MUC15: variants seen among roughly 807,000 people sequenced by gnomAD.
MUC15 encodes the protein mucin-15.
MUC15 carries 23 observed loss-of-function variants against 24.0 expected under a neutral mutation model. That is an observed-to-expected ratio of 0.96 (90% CI 0.69 to 1.36). MUC15 has a LOEUF of 1.36. Ranked by LOEUF, MUC15 falls within the 40% of genes most tolerant of loss-of-function variation. The pLI, the probability that MUC15 is intolerant of heterozygous loss-of-function variation, is 0.00. For missense variants in MUC15, 442 were observed against 428.2 expected (o/e 1.03, Z -0.29); for synonymous variants, 151 against 156.3 (o/e 0.97, Z 0.25).
At chr11:26,571,200 A>G (rs1323619152) in intron 1 of MUC15, among the ~76,000 whole-genome samples, 2 of 152,100 alleles carry the variant, frequency 1.3e-5, no homozygotes, top group Non-Finnish European at 2.9e-5. Context: ...TTTCTCCGAA[A>G]GGAAAGTTCT....
chr11:26,567,738 T>C (rs967886509), intron 1 of MUC15, among the ~76,000 whole-genome samples: 4 of 152,094 alleles, frequency 2.6e-5, no homozygotes, highest in Admixed American at 2.0e-4. Flanking sequence ...AGAACATTCA[T>C]AGCGGCATTA....
chr11:26,563,225 AC>A lies in MUC15; in HGVS notation c.815del (p.Gly272ValfsTer41). On this transcript the variant is annotated frameshift_variant, in exon 4 of 5. Transcript: ENST00000529533. LOFTEE classifies it high-confidence loss of function. ...NTGIVFGAIL[G>X]AILGVSLLTL... ...TAAGCAATGAGACACCCAGAATAGC[AC>A]CTAAAATGGCCCCGAATACTATTCC... The A allele has an allele frequency of 6.2e-7, 1 of 1,611,390 alleles. No individual in the cohort carries two copies. Among genetic ancestry groups the A allele is most frequent in the East Asian group, 2.2e-5 (1 of 44,776 alleles).
Position 26,561,233 on chromosome 11 carries a change from A to T in MUC15, c.926-8T>A, listed in dbSNP as rs144242083. ...CATTGTCTAATCGCAGAACTAAAAA[A>T]GTAACAAAATAATACTGTTTCACAG... On this transcript the variant is annotated splice_region_variant and splice_polypyrimidine_tract_variant and intron_variant, in intron 4 of 4. Transcript: ENST00000529533. The T allele has an allele frequency of 6.1e-5, 98 of 1,597,558 alleles. No homozygotes were observed. The African/African-American group carries it at 1.2e-3, about 20-fold the overall frequency.
chr11:26,563,670 A>G (rs559630687), intron 3 of MUC15, among the ~76,000 whole-genome samples: 231 of 152,028 alleles, frequency 1.5e-3, no homozygotes, highest in African/African-American at 5.3e-3. Flanking sequence ...AATAATTCAA[A>G]GGTTAAAAGC....
At chr11:26,568,262 A>C (rs774569141) in intron 1 of MUC15, among the ~76,000 whole-genome samples, 9 of 152,084 alleles carry the variant, frequency 5.9e-5, no homozygotes, top group Non-Finnish European at 1.2e-4. Flanking sequence ...AGAAGGGCTT[A>C]TTAATCCCAC....
intron 4 of MUC15, among the ~76,000 whole-genome samples, chr11:26,561,635 T>C (rs1353518876): frequency 6.6e-6 from 1 of 151,988 alleles, no homozygotes; most frequent in Non-Finnish European, 1.5e-5. Context: ...AAATTAATGT[T>C]ATTATTTTAC....
In MUC15 at chr11:26,559,806, T is replaced by A; in HGVS notation, c.*1259A>T. 3 of 1,490,352 alleles carry A rather than the reference T, an allele frequency of 2.0e-6. No homozygotes were observed. The highest frequency in any genetic ancestry group is 2.8e-6 in the Non-Finnish European group (3 of 1,069,982). The allele number at this position is 1,490,352 out of a possible 1,614,324, so 92.3% of individuals were successfully genotyped here. ...TAAGTACTTTCTTCATTACTTTCTA[T>A]CCCTTATTTTCTGAAGCTGTTTCTG... is the stretch of plus-strand genomic sequence containing the variant. On this transcript the variant is annotated 3_prime_UTR_variant, in exon 5 of 5. Coordinates refer to ENST00000529533, the MANE Select transcript of MUC15 (RefSeq NM_001135091.2).
At position 26,559,835 on chromosome 11, in the gene MUC15, TACAC is replaced by T. The variant is rs71047866; in HGVS notation, c.*1226_*1229del. On this transcript the variant is annotated 3_prime_UTR_variant, in exon 5 of 5. Transcript: ENST00000529533. The stretch of plus-strand genomic sequence containing the variant: ...TTATTTTCTGAAGCTGTTTCTGTGT[TACAC>T]ACACACACACACACACACACACACA... 0.16 allele frequency: 101,229 copies of T among 649,686 alleles called. 2,231 individuals carry two copies. Among genetic ancestry groups the T allele is most frequent in the Non-Finnish European group, 0.17 (61,358 of 362,306 alleles). The allele number at this position is 649,686 out of a possible 1,614,324, so 40.2% of individuals were successfully genotyped here.
At chr11:26,568,631 T>C (rs397618) in intron 1 of MUC15, among the ~76,000 whole-genome samples, 142,535 of 152,052 alleles carry the variant, frequency 0.94, 67,039 homozygotes, top group South Asian at 0.97. Flanking sequence ...AAAATCACGA[T>C]AACTGTCTAT....
rs915188071 is a variant in MUC15, at chr11:26,560,058, T to C, written c.*1007A>G. On this transcript the variant is annotated 3_prime_UTR_variant, in exon 5 of 5. Transcript: ENST00000529533. ...AGGAAGGTGGTAATTAAAAACAAACTGAAACATACTAGAATCCAAATTAAT... is the reference window on the plus strand; with the variant it reads ...AGGAAGGTGGTAATTAAAAACAAACCGAAACATACTAGAATCCAAATTAAT... 13 of 318,502 alleles carry C rather than the reference T, an allele frequency of 4.1e-5. No homozygotes were observed. The highest frequency in any genetic ancestry group is 1.4e-4 in the Admixed American group (3 of 21,750). 19.7% of individuals were successfully genotyped at this position (318,502 alleles called of 1,614,324 possible). A position where few individuals can be genotyped will look rare whatever the true frequency, so the allele number is the denominator to read the frequency against.
rs1292519220 is a variant in MUC15 at position 26,563,675 on chromosome 11, A to G, written c.776-410T>C. Among the ~76,000 whole-genome samples the G allele has an allele frequency of 2.0e-5, 3 of 152,024 alleles. No individual in the cohort carries two copies. In the East Asian group the frequency reaches 5.8e-4, roughly 29 times the overall value. On this transcript the variant is annotated intron_variant, in intron 3 of 4. Transcript: ENST00000529533. ...TGTTTCTGTAAATAATTCAAAGGTTAAAAGCCAATAGGAGTAAGTGGGTAA... is the reference window on the plus strand; with the variant it reads ...TGTTTCTGTAAATAATTCAAAGGTTGAAAGCCAATAGGAGTAAGTGGGTAA...
At chr11:26,569,527 G>A (rs1365881365) in intron 1 of MUC15, among the ~76,000 whole-genome samples, 8 of 151,980 alleles carry the variant, frequency 5.3e-5, no homozygotes, top group East Asian at 1.9e-4. Flanking sequence ...GAAGTCATCC[G>A]TTATTCAGAA....
intron 3 of MUC15, among the ~76,000 whole-genome samples, chr11:26,564,772 TA>T (rs1565109229): frequency 0.034 from 3,735 of 110,622 alleles, 253 homozygotes; most frequent in Non-Finnish European, 0.053. Flanking sequence ...TATATATATA[TA>T]TATATATATA....
In MUC15 at chr11:26,565,232, A is replaced by T. The variant is rs754167116; in HGVS notation, c.708T>A (p.Thr236=). Residue 236 remains threonine, a synonymous_variant, in exon 3 of 5, where the codon ACT becomes ACA. Coordinates refer to ENST00000529533, the MANE Select transcript of MUC15 (RefSeq NM_001135091.2). ...TGGTGAATTTTAAGGTAGGCTGTAG[A>T]GTTGTTTTTTCTTGATAAGGGGTAA... ...TGFTPYQEKT[T]LQPTLKFTNN... is the part of the protein sequence containing the mutation. The T allele has an allele frequency of 6.5e-7, 1 of 1,541,528 alleles. No homozygotes were observed. The highest frequency in any genetic ancestry group is 2.1e-5 in the Admixed American group (1 of 47,350).
At chr11:26,563,719 T>A (rs1467556929) in intron 3 of MUC15, among the ~76,000 whole-genome samples, 1 of 151,824 alleles carries the variant, frequency 6.6e-6, no homozygotes, top group Non-Finnish European at 1.5e-5. Flanking sequence ...GAGTCCACCA[T>A]AAACAAATAA....
At chr11:26,570,119 T>C (rs977174882) in intron 1 of MUC15, among the ~76,000 whole-genome samples, 5 of 152,136 alleles carry the variant, frequency 3.3e-5, no homozygotes, top group African/African-American at 9.7e-5. Flanking sequence ...TAAACTTTCC[T>C]GTATATATTA....
rs533668322 is a variant in MUC15, at chr11:26,566,002, T to G, written c.44-106A>C. ...TAAAAATCTAGACATAATATAGAGA[T>G]GGTAATATCATATTTTTATTCCAAA... On this transcript the variant is annotated intron_variant, in intron 2 of 4. Coordinates refer to ENST00000529533, the MANE Select transcript of MUC15 (RefSeq NM_001135091.2). 13 of 1,132,790 alleles carry G rather than the reference T, an allele frequency of 1.1e-5. 1 individual carries two copies. The South Asian group carries it at 2.1e-4, about 18-fold the overall frequency. 70.2% of individuals were successfully genotyped at this position (1,132,790 alleles called of 1,614,324 possible).
chr11:26,571,794 C>G (rs1850837453), intron 1 of MUC15, among the ~76,000 whole-genome samples: 1 of 152,094 alleles, frequency 6.6e-6, no homozygotes, highest in Non-Finnish European at 1.5e-5. Flanking sequence ...TCTGCTGGTT[C>G]TGTAATCTAG....
intron 2 of MUC15, among the ~76,000 whole-genome samples, chr11:26,566,614 C>A (rs1850594791): frequency 1.3e-5 from 2 of 151,820 alleles, no homozygotes; most frequent in Admixed American, 1.3e-4. Flanking sequence ...TTTAATCTTA[C>A]TCTCTTATTT....
Sources: gnomAD v4.1 joint callset for allele counts (sites outside exome capture counted in the v4.1 genomes callset) on GRCh38, gnomAD v4.1.1 for gene constraint, MANE v1.5 for transcripts, NCBI Gene and HGNC (gene_info 2026-07-23, HGNC 2026-07-21) for gene names.